The following HSD3B1 variants were observed in gnomAD, a reference collection of about 807,000 sequenced individuals.
The protein encoded by HSD3B1 is hydroxy-delta-5-steroid dehydrogenase, 3 beta- and steroid delta-isomerase 1.
In HSD3B1, 11 loss-of-function variants were observed where a neutral mutation model predicts 10.4. That is an observed-to-expected ratio of 1.05 (90% CI 0.66 to 1.75). HSD3B1 has a LOEUF of 1.75. HSD3B1 is among the 40% of genes most tolerant of loss of function. The pLI is 0.00. For synonymous variants in HSD3B1, 217 were observed against 185.4 expected (o/e 1.17, Z -1.39); for missense variants, 490 against 454.5 (o/e 1.08, Z -0.71).
intron 2 of HSD3B1, among the ~76,000 whole-genome samples, chr1:119,510,685 G>A (rs373956921): frequency 5.7e-5 from 3 of 52,212 alleles, no homozygotes; most frequent in African/African-American, 1.5e-4. Context: ...CCCTGCTTTT[G>A]TTCCTTTTTT....
At chr1:119,513,209 G>C (rs1653987847) in intron 3 of HSD3B1, among the ~76,000 whole-genome samples, 1 of 152,200 alleles carries the variant, frequency 6.6e-6, no homozygotes, top group Non-Finnish European at 1.5e-5. Context: ...TGCACAATCA[G>C]GAAGAGTGTG....
At chr1:119,512,294 G>T in intron 3 of HSD3B1, among the ~76,000 whole-genome samples, 1 of 152,080 alleles carries the variant, frequency 6.6e-6, no homozygotes, top group East Asian at 1.9e-4. Context: ...TCACCACAGG[G>T]CCTACTATTC....
In HSD3B1 at chr1:119,507,523, G is replaced by A. The variant is rs1190259298; in HGVS notation, c.47G>A (p.Gly16Glu). 5.0e-6 allele frequency: 8 copies of A among 1,613,962 alleles called. No homozygotes were observed. The highest frequency in any genetic ancestry group is 6.8e-6 in the Non-Finnish European group (8 of 1,179,920). The change falls in exon 2 of 4, where the codon GGA becomes GAA. Residue 16 changes from glycine (G) to glutamate (E), a missense_variant. Transcript: ENST00000369413. ...GTGACAGGAGCAGGAGGGTTTCTGG[G>A]ACAGAGGATCATCCGCCTCTTGGTG... ...CLVTGAGGFL[G>E]QRIIRLLVKE...
Position 119,507,403 on chromosome 1 carries a change from G to A in HSD3B1, c.-74G>A, listed in dbSNP as rs75249888. The A allele has an allele frequency of 6.6e-7, 1 of 1,512,978 alleles. No homozygotes were observed. Among genetic ancestry groups the A allele is most frequent in the African/African-American group, 1.4e-5 (1 of 72,862 alleles). 93.7% of individuals were successfully genotyped at this position (1,512,978 alleles called of 1,614,324 possible). A position where few individuals can be genotyped will look rare whatever the true frequency, so the allele number is the denominator to read the frequency against. ...ACATCTCTTTTTAGCCCTCTCCAGG[G>A]TCACCCTAGAATCAGATCTGCTCCC... is the stretch of plus-strand genomic sequence containing the variant. On this transcript the variant is annotated 5_prime_UTR_variant, in exon 2 of 4. Coordinates refer to ENST00000369413, the MANE Select transcript of HSD3B1 (RefSeq NM_000862.3).
intron 2 of HSD3B1, among the ~76,000 whole-genome samples, chr1:119,508,756 C>T (rs1653858620): frequency 6.6e-6 from 1 of 152,336 alleles, no homozygotes; most frequent in African/African-American, 2.4e-5. Context: ...CCCAGAGGGT[C>T]CTGCCCTGCC....
At chr1:119,509,752 C>T (rs1160970097) in intron 2 of HSD3B1, among the ~76,000 whole-genome samples, 1 of 152,170 alleles carries the variant, frequency 6.6e-6, no homozygotes, top group African/African-American at 2.4e-5. Flanking sequence ...TGCTTGTACC[C>T]CAGGAAGGAA....
intron 2 of HSD3B1, 89 bp downstream of exon 2, chr1:119,507,710 A>C (rs1157273752): frequency 2.5e-5 from 35 of 1,387,536 alleles, no homozygotes; most frequent in Non-Finnish European, 3.6e-5. Flanking sequence ...CAAGTTATTG[A>C]AATTTGTAGC....
At chr1:119,512,163 G>A (rs991395784) in intron 3 of HSD3B1, among the ~76,000 whole-genome samples, 5 of 152,108 alleles carry the variant, frequency 3.3e-5, no homozygotes, top group Non-Finnish European at 5.9e-5. Context: ...AAGTCCTCTC[G>A]AGAGAACTAG....
chr1:119,513,737 T>G, intron 3 of HSD3B1, 97 bp from the exon 4 acceptor site: 10 of 1,118,188 alleles, frequency 8.9e-6, no homozygotes, highest in Non-Finnish European at 1.3e-5. Context: ...ACAACCACCA[T>G]ATTTGGGAGT....
intron 3 of HSD3B1, among the ~76,000 whole-genome samples, chr1:119,512,742 TA>T (rs1653972378): frequency 6.6e-6 from 1 of 152,192 alleles, no homozygotes; most frequent in South Asian, 2.1e-4. Flanking sequence ...ATCTGTTTGC[TA>T]AAACCATTAT....
In HSD3B1 at chr1:119,514,148, A is replaced by G. The variant is rs587706159; in HGVS notation, c.625A>G (p.Asn209Asp). The change falls in exon 4 of 4, where the codon AAT (asparagine) becomes GAT (aspartate). Residue 209 changes from asparagine to aspartate, a missense_variant. Transcript: ENST00000369413. ...TAGTATAAACGAGGCCCTGAACAACAATGGGATCCTGTCAAGTGTTGGAAA... is the reference window on the plus strand; with the variant it reads ...TAGTATAAACGAGGCCCTGAACAACGATGGGATCCTGTCAAGTGTTGGAAA... ...SASINEALNN[N>D]GILSSVGKFS... is the part of the protein sequence containing the mutation. 2.5e-6 allele frequency: 4 copies of G among 1,614,064 alleles called. No individual in the cohort carries two copies. In the African/African-American group the frequency reaches 5.3e-5, roughly 22 times the overall value.
At chr1:119,510,717 CTTTTTTTTTTTTTTTTTTTTTTT>C (rs962978657) in intron 2 of HSD3B1, among the ~76,000 whole-genome samples, 2 of 54,170 alleles carry the variant, frequency 3.7e-5, no homozygotes, top group African/African-American at 1.4e-4. Context: ...GTGTGGTTTT[CTTTTTTTTTTTTTTTTTTTTTTT>C]TTTTTTTTTT....
At position 119,507,422 on chromosome 1, in the gene HSD3B1, T is replaced by C. The variant is rs6206; in HGVS notation, c.-55T>C. 504 of 1,598,568 alleles carry C rather than the reference T, an allele frequency of 3.2e-4. 2 individuals are homozygous for C. In the African/African-American group the frequency reaches 6.0e-3, roughly 19 times the overall value. On this transcript the variant is annotated 5_prime_UTR_variant, in exon 2 of 4. Transcript: ENST00000369413. Reference sequence around the variant, plus strand: ...TCCAGGGTCACCCTAGAATCAGATCTGCTCCCCAGCATCTTCTGTTTCCTG... The same window carrying C: ...TCCAGGGTCACCCTAGAATCAGATCCGCTCCCCAGCATCTTCTGTTTCCTG...
chr1:119,513,170 C>A (rs587679938), intron 3 of HSD3B1, among the ~76,000 whole-genome samples: 9 of 152,262 alleles, frequency 5.9e-5, no homozygotes, highest in East Asian at 1.9e-4. Context: ...AGAGTCACAG[C>A]CAGAATTGGA....
intron 2 of HSD3B1, among the ~76,000 whole-genome samples, chr1:119,508,290 C>T (rs587753788): frequency 6.6e-6 from 1 of 151,102 alleles, no homozygotes; most frequent in East Asian, 2.0e-4. Flanking sequence ...GCACAGTGCA[C>T]AGCACAGAGC....
chr1:119,507,640 T>C lies in HSD3B1; in HGVS notation c.145+19T>C, dbSNP rs769780671. On this transcript the variant is annotated intron_variant, in intron 2 of 3. Coordinates refer to ENST00000369413, the MANE Select transcript of HSD3B1 (RefSeq NM_000862.3). ...TTTTCTAGTAAGTAAACTTGGGTCA[T>C]GGGTGTGTGGTTCCATCTTAAACAC... The C allele has an allele frequency of 6.2e-6, 10 of 1,613,360 alleles. No individual in the cohort carries two copies. Among genetic ancestry groups the C allele is most frequent in the Non-Finnish European group, 8.5e-6 (10 of 1,179,462 alleles).
Position 119,513,876 on chromosome 1 carries a change from C to T in HSD3B1, c.353C>T (p.Pro118Leu), listed in dbSNP as rs1466817940. 6.2e-7 allele frequency: 1 copy of T among 1,613,758 alleles called. No homozygotes were observed. Among genetic ancestry groups the T allele is most frequent in the Non-Finnish European group, 8.5e-7 (1 of 1,179,920 alleles). ...GAGGCCTGTGTCCAAGCTAGTGTGC[C>T]AGTCTTCATCTACACCAGTAGCATA... is the stretch of plus-strand genomic sequence containing the variant. Reference protein sequence around the residue: ...LLEACVQASVPVFIYTSSIEV... With the variant: ...LLEACVQASVLVFIYTSSIEV... The change falls in exon 4 of 4, where the codon CCA (proline) becomes CTA (leucine). Residue 118 changes from proline (P) to leucine (L), a missense_variant. Pro to Leu is a moderately conservative substitution (Grantham distance 98, BLOSUM62 -3). Transcript: ENST00000369413.
Position 119,507,213 on chromosome 1 carries a change from G to A in HSD3B1, c.-135G>A. On this transcript the variant is annotated 5_prime_UTR_variant, in exon 1 of 4. In the 5' UTR this introduces an upstream ATG that the reference lacks. Coordinates refer to ENST00000369413, the MANE Select transcript of HSD3B1 (RefSeq NM_000862.3). ...CTTCAGACTTGCCACAGGAAATGAG[G>A]TGAGAAGTACGTCCACTCTTCTGTC... The A allele has an allele frequency of 2.3e-6, 1 of 440,674 alleles. No individual in the cohort carries two copies. Among genetic ancestry groups the A allele is most frequent in the Non-Finnish European group, 4.2e-6 (1 of 237,558 alleles). 27.3% of individuals were successfully genotyped at this position (440,674 alleles called of 1,614,324 possible). A position where few individuals can be genotyped will look rare whatever the true frequency, so the allele number is the denominator to read the frequency against.
intron 2 of HSD3B1, among the ~76,000 whole-genome samples, chr1:119,510,813 C>G (rs1254278311): frequency 7.9e-6 from 1 of 127,030 alleles, no homozygotes; most frequent in Non-Finnish European, 1.6e-5. Context: ...GATCTTGGCT[C>G]ACTGCCAGGA....
Sources: allele counts gnomAD v4.1 joint callset (sites outside exome capture counted in the v4.1 genomes callset), GRCh38; gene constraint gnomAD v4.1.1; transcripts MANE v1.5; gene names NCBI Gene and HGNC (gene_info 2026-07-23, HGNC 2026-07-21).